ZNF385D: variants seen among roughly 807,000 people sequenced by gnomAD.
ZNF385D encodes the protein zinc finger protein 659.
A neutral mutation model predicts 35.8 loss-of-function variants in ZNF385D; 15 were observed. The ratio of observed to expected loss-of-function variants is 0.42; its 90% CI spans 0.28 to 0.64. ZNF385D has a LOEUF of 0.64. Ranked by LOEUF, ZNF385D falls within the 30% of genes least tolerant of loss-of-function variation. The pLI, the probability that ZNF385D is intolerant of heterozygous loss-of-function variation, is 0.23. For missense variants in ZNF385D, 474 were observed against 494.6 expected (o/e 0.96, Z 0.39); for synonymous variants, 212 against 186.8 (o/e 1.13, Z -1.10).
intron 3 of ZNF385D, among the ~76,000 whole-genome samples, chr3:21,854,143 T>G (rs755340025): frequency 1.3e-5 from 2 of 151,950 alleles, no homozygotes; most frequent in Non-Finnish European, 2.9e-5. Context: ...TTACTTAGCA[T>G]GCACAAAAGG....
intron 3 of ZNF385D, among the ~76,000 whole-genome samples, chr3:22,130,192 T>G (rs933794575): frequency 6.6e-6 from 1 of 152,110 alleles, no homozygotes; most frequent in Non-Finnish European, 1.5e-5. Flanking sequence ...GGAATCCAAG[T>G]TGCAAGACAA....
intron 3 of ZNF385D, chr3:21,961,636 T>C (rs1311951126): frequency 6.6e-6 from 1 of 152,172 alleles, no homozygotes; most frequent in African/African-American, 2.4e-5. Flanking sequence ...CATACATTAT[T>C]TCATTGATTG....
intron 3 of ZNF385D, among the ~76,000 whole-genome samples, chr3:21,898,669 A>C (rs1356018280): frequency 3.9e-5 from 6 of 152,184 alleles, no homozygotes; most frequent in Non-Finnish European, 8.8e-5. Context: ...TAAAGATTAC[A>C]AAAACAATAG....
At chr3:21,947,446 G>A (rs552561355) in intron 3 of ZNF385D, among the ~76,000 whole-genome samples, 1 of 152,172 alleles carries the variant, frequency 6.6e-6, no homozygotes, top group South Asian at 2.1e-4. Flanking sequence ...CGCCTCCTGG[G>A]TTCAAGCCAT....
intron 3 of ZNF385D, among the ~76,000 whole-genome samples, chr3:22,121,447 G>A (rs1410136755): frequency 6.6e-6 from 1 of 152,164 alleles, no homozygotes; most frequent in Non-Finnish European, 1.5e-5. Context: ...CTCTTAATAT[G>A]ATGTAAATGG....
At chr3:22,134,675 T>A (rs752335473) in intron 3 of ZNF385D, among the ~76,000 whole-genome samples, 1 of 152,190 alleles carries the variant, frequency 6.6e-6, no homozygotes, top group Non-Finnish European at 1.5e-5. Flanking sequence ...GACTGTATAA[T>A]TTACAATGAA....
In ZNF385D at chr3:22,146,268, G is replaced by A. The variant is rs558171955; in HGVS notation, c.325+22549C>T. Among the ~76,000 whole-genome samples, 19 of 152,200 alleles carry A rather than the reference G, an allele frequency of 1.2e-4. No individual in the cohort carries two copies. The East Asian group carries it at 1.9e-3, about 15-fold the overall frequency. On this transcript the variant is annotated intron_variant, in intron 3 of 5. Transcript: ENST00000494108. ...CAAACAGAAATATTCAGTAATATTC[G>A]TTTAATAGCTATAGTTAGAATAATT...
intron 2 of ZNF385D, among the ~76,000 whole-genome samples, chr3:22,217,893 T>C (rs1029681392): frequency 4.6e-5 from 7 of 152,156 alleles, no homozygotes; most frequent in Non-Finnish European, 1.0e-4. Context: ...GGAAAGGGAA[T>C]GTATTCTCTT....
At chr3:21,850,161 G>A (rs1696294402) in intron 3 of ZNF385D, among the ~76,000 whole-genome samples, 1 of 23,220 alleles carries the variant, frequency 4.3e-5, no homozygotes, top group South Asian at 3.7e-3. Flanking sequence ...ATGGATAATA[G>A]ATATAAAAAT....
intron 2 of ZNF385D, among the ~76,000 whole-genome samples, chr3:22,203,888 A>G (rs915814216): frequency 6.6e-6 from 1 of 152,146 alleles, no homozygotes; most frequent in African/African-American, 2.4e-5. Context: ...GCATCTCTGG[A>G]CCTGCCTGGG....
At chr3:22,164,729 A>C (rs1257044261) in intron 3 of ZNF385D, among the ~76,000 whole-genome samples, 1 of 151,916 alleles carries the variant, frequency 6.6e-6, no homozygotes, top group East Asian at 1.9e-4. Context: ...CTTTCACCTG[A>C]TAATCATCAG....
chr3:21,579,452 T>C, intron 2 of ZNF385D: 1 of 152,176 alleles, frequency 6.6e-6, no homozygotes, highest in East Asian at 1.9e-4. Context: ...TATTCTAAAA[T>C]ATGTTCTTCT....
intron 2 of ZNF385D, among the ~76,000 whole-genome samples, chr3:21,568,546 C>G (rs2063226200): frequency 6.6e-6 from 1 of 152,024 alleles, no homozygotes; most frequent in Non-Finnish European, 1.5e-5. Flanking sequence ...CACACAATGC[C>G]AATATTTGTG....
At chr3:22,088,850 T>G (rs1701176249) in intron 3 of ZNF385D, among the ~76,000 whole-genome samples, 1 of 152,146 alleles carries the variant, frequency 6.6e-6, no homozygotes, top group Admixed American at 6.6e-5. Context: ...CCTTCTCCAG[T>G]GCAGCTAAGT....
intron 1 of ZNF385D, among the ~76,000 whole-genome samples, chr3:21,750,156 C>T (rs2069991599): frequency 1.3e-5 from 2 of 152,324 alleles, no homozygotes; most frequent in African/African-American, 4.8e-5. Context: ...TAAGTTGCGG[C>T]GTTAGAGTGC....
At chr3:21,636,533 C>T (rs904373383) in intron 2 of ZNF385D, among the ~76,000 whole-genome samples, 14 of 151,074 alleles carry the variant, frequency 9.3e-5, no homozygotes, top group East Asian at 3.9e-4. Context: ...TGGAGTCTGA[C>T]GTTCAAGGGC....
intron 2 of ZNF385D, among the ~76,000 whole-genome samples, chr3:22,207,570 C>T (rs1697237874): frequency 6.6e-6 from 1 of 151,720 alleles, no homozygotes; most frequent in African/African-American, 2.4e-5. Context: ...CATAGGCATG[C>T]AAAGCAAAAA....
chr3:21,636,614 T>C (rs1220859091), intron 2 of ZNF385D, among the ~76,000 whole-genome samples: 4 of 151,640 alleles, frequency 2.6e-5, no homozygotes, highest in Non-Finnish European at 5.9e-5. Context: ...CAGGTTCTTC[T>C]GCCTGCTTTT....
chr3:21,663,036 T>C (rs946863612), intron 2 of ZNF385D, among the ~76,000 whole-genome samples: 2 of 152,162 alleles, frequency 1.3e-5, no homozygotes, highest in African/African-American at 4.8e-5. Context: ...CAAGGTCTTA[T>C]CGATGGTAAC....
Sources: gnomAD v4.1 joint callset for allele counts (sites outside exome capture counted in the v4.1 genomes callset) on GRCh38, gnomAD v4.1.1 for gene constraint, MANE v1.5 for transcripts, NCBI Gene and HGNC (gene_info 2026-07-23, HGNC 2026-07-21) for gene names.